Variants in ATP6V1H observed in about 807,000 individuals in gnomAD.
ATP6V1H encodes the protein ATPase H+ transporting V1 subunit H, also known as V-type proton ATPase subunit H.
In ATP6V1H, 39 loss-of-function variants were observed where a neutral mutation model predicts 71.7. That is an observed-to-expected ratio of 0.54 (90% CI 0.42 to 0.71). ATP6V1H has a LOEUF of 0.71. Among genes scored for constraint, ATP6V1H ranks in the 30% least tolerant of loss-of-function variants. The probability of loss-of-function intolerance (pLI) is 0.00; values close to 1 mark genes in which losing one functional copy is unlikely to be tolerated. For synonymous variants in ATP6V1H, 192 were observed against 199.3 expected, an observed-to-expected ratio of 0.96 and a Z score of 0.31; for missense variants, 509 against 594.9, an observed-to-expected ratio of 0.86 and a Z score of 1.50.
chr8:53,735,589 C>T (rs1807175048), intron 13 of ATP6V1H, among the ~76,000 whole-genome samples: 2 of 152,146 alleles, frequency 1.3e-5, no homozygotes, highest in Non-Finnish European at 1.5e-5. Context: ...AGATTTTGTT[C>T]AGTCGGCCAC....
At chr8:53,782,658 G>GT (rs1809196213) in intron 9 of ATP6V1H, among the ~76,000 whole-genome samples, 1 of 152,158 alleles carries the variant, frequency 6.6e-6, no homozygotes, top group Admixed American at 6.5e-5. Context: ...TGCCCATTCA[G>GT]TATGATATTG....
intron 11 of ATP6V1H, 95 bp from the exon 12 acceptor site, chr8:53,756,751 G>T: frequency 2.7e-6 from 2 of 732,854 alleles, no homozygotes; most frequent in Non-Finnish European, 4.4e-6. Flanking sequence ...CCTGAAAATA[G>T]ACATTTATTA....
chr8:53,804,887 T>C (rs192451190), intron 7 of ATP6V1H, among the ~76,000 whole-genome samples: 1 of 152,336 alleles, frequency 6.6e-6, no homozygotes, highest in Admixed American at 6.5e-5. Flanking sequence ...AATTCTTCAA[T>C]GTTGCTGAAA....
chr8:53,831,855 T>G (rs1811018759), intron 3 of ATP6V1H: 1 of 150,154 alleles, frequency 6.7e-6, no homozygotes, highest in South Asian at 2.1e-4. Flanking sequence ...CGCCTCAGTC[T>G]CCCAAAGTAC....
intron 9 of ATP6V1H, 44 bp from the exon 10 acceptor site, chr8:53,772,211 T>C (rs1477166486): frequency 2.7e-6 from 4 of 1,476,948 alleles, no homozygotes; most frequent in Admixed American, 1.9e-5. Flanking sequence ...CAATTTGTCA[T>C]GTGATGGATT....
At chr8:53,773,061 A>C (rs1417209363) in intron 9 of ATP6V1H, among the ~76,000 whole-genome samples, 1 of 152,214 alleles carries the variant, frequency 6.6e-6, no homozygotes, top group African/African-American at 2.4e-5. Context: ...AGTGAAATCA[A>C]TGCCCACCAA....
At chr8:53,771,260 C>T (rs1808639854) in intron 10 of ATP6V1H, among the ~76,000 whole-genome samples, 1 of 152,112 alleles carries the variant, frequency 6.6e-6, no homozygotes, top group African/African-American at 2.4e-5. Context: ...CCCAATCCAC[C>T]CAAGAGAAGT....
chr8:53,743,838 C>G, intron 12 of ATP6V1H, 148 bp from the exon 13 acceptor site: 1 of 582,424 alleles, frequency 1.7e-6, no homozygotes, highest in Non-Finnish European at 3.0e-6. Flanking sequence ...ATCATTTTCC[C>G]TGAACCATAG....
In ATP6V1H at chr8:53,733,965, A is replaced by G. The variant is rs73682557; in HGVS notation, c.1391+9612T>C. On this transcript the variant is annotated intron_variant, in intron 13 of 13. Transcript: ENST00000359530. The stretch of plus-strand genomic sequence containing the variant: ...GCCGAGGCTGGTGGCCTACCTCTCT[A>G]AACAACTAGACGGGGTTTCTAAAGG... 5.1e-3 allele frequency among the ~76,000 whole-genome samples: 783 copies of G among 152,238 alleles called. 6 individuals are homozygous for G. Among genetic ancestry groups the G allele is most frequent in the African/African-American group, 0.018 (740 of 41,538 alleles).
At chr8:53,719,623 G>A (rs1426465400) in intron 13 of ATP6V1H, among the ~76,000 whole-genome samples, 1 of 152,220 alleles carries the variant, frequency 6.6e-6, no homozygotes, top group Non-Finnish European at 1.5e-5. Context: ...GATGGCTGTT[G>A]CCATCTGGAC....
At chr8:53,840,354 C>T (rs781469105) in intron 2 of ATP6V1H, among the ~76,000 whole-genome samples, 63 of 152,052 alleles carry the variant, frequency 4.1e-4, no homozygotes, top group Admixed American at 9.8e-4. Flanking sequence ...AAAAATTAGG[C>T]GGGCAAGGTG....
chr8:53,801,908 G>A lies in ATP6V1H; in HGVS notation c.580-12C>T, dbSNP rs1233934919. The A allele has an allele frequency of 1.9e-6, 3 of 1,608,850 alleles. No individual in the cohort carries two copies. The highest frequency in any genetic ancestry group is 2.5e-6 in the Non-Finnish European group (3 of 1,177,772). On this transcript the variant is annotated splice_polypyrimidine_tract_variant and intron_variant, in intron 7 of 13. Transcript: ENST00000359530. Reference sequence around the variant, plus strand: ...ACATACTGCGAACTCTGCACAAGAAGAAGTGTTGAGTTTTTAAATGGGAAG... The same window carrying A: ...ACATACTGCGAACTCTGCACAAGAAAAAGTGTTGAGTTTTTAAATGGGAAG...
chr8:53,745,184 C>T (rs1040258005), intron 12 of ATP6V1H, among the ~76,000 whole-genome samples: 1 of 152,058 alleles, frequency 6.6e-6, no homozygotes, highest in Non-Finnish European at 1.5e-5. Flanking sequence ...TGCTTGAGCC[C>T]AGGAGTTCGA....
chr8:53,834,155 A>G (rs1443890942), intron 2 of ATP6V1H, among the ~76,000 whole-genome samples: 3 of 152,156 alleles, frequency 2.0e-5, no homozygotes, highest in African/African-American at 7.2e-5. Context: ...ATGGTAGGAA[A>G]AGCAGAGAAT....
At chr8:53,806,937 G>C (rs934734970) in intron 7 of ATP6V1H, 7 of 437,920 alleles carry the variant, frequency 1.6e-5, no homozygotes, top group Non-Finnish European at 3.2e-5. Flanking sequence ...TCACACAACT[G>C]TAAAGTTGAA....
At chr8:53,764,919 T>A (rs747807012) in intron 11 of ATP6V1H, among the ~76,000 whole-genome samples, 2 of 151,790 alleles carry the variant, frequency 1.3e-5, no homozygotes, top group Non-Finnish European at 2.9e-5. Flanking sequence ...TGCAACAGAG[T>A]GACATCCCAT....
At chr8:53,754,972 GGCATTTTGCTTAGGGGGT>G (rs1021519855) in intron 12 of ATP6V1H, among the ~76,000 whole-genome samples, 1 of 152,198 alleles carries the variant, frequency 6.6e-6, no homozygotes, top group African/African-American at 2.4e-5. Flanking sequence ...GCCGTTGACT[GGCATTTTGCTTAGGGGGT>G]GCAGGGGCTA....
chr8:53,800,127 C>T (rs564085952), intron 8 of ATP6V1H, among the ~76,000 whole-genome samples: 1 of 152,304 alleles, frequency 6.6e-6, no homozygotes, highest in South Asian at 2.1e-4. Flanking sequence ...ACAAATGTTG[C>T]TGCATTTTCA....
At chr8:53,815,525 C>G (rs188190751) in intron 5 of ATP6V1H, among the ~76,000 whole-genome samples, 1 of 152,278 alleles carries the variant, frequency 6.6e-6, no homozygotes, top group Admixed American at 6.5e-5. Context: ...CATTTGAATA[C>G]AGCAAACCAG....
Sources: allele counts gnomAD v4.1 joint callset (sites outside exome capture counted in the v4.1 genomes callset), GRCh38; gene constraint gnomAD v4.1.1; transcripts MANE v1.5; gene names NCBI Gene and HGNC (gene_info 2026-07-23, HGNC 2026-07-21).